SLC9A9: variants seen among roughly 807,000 people sequenced by gnomAD.
The protein encoded by SLC9A9 is solute carrier family 9 member A9.
Under a neutral mutation model 77.8 loss-of-function variants are expected in SLC9A9, and 62 were observed. That is an observed-to-expected ratio of 0.80 (90% confidence interval 0.65 to 0.98). SLC9A9 has a LOEUF of 0.98. Ranked by LOEUF, SLC9A9 falls within the 50% of genes least tolerant of loss-of-function variation. The pLI is 0.00. For missense variants in SLC9A9, 775 were observed against 774.9 expected, an observed-to-expected ratio of 1.00 and a Z score of 0.00; for synonymous variants, 320 against 283.5, an observed-to-expected ratio of 1.13 and a Z score of -1.29.
At chr3:143,693,111 G>T in intron 5 of SLC9A9, 81 bp downstream of exon 5, 2 of 999,664 alleles carry the variant, frequency 2.0e-6, no homozygotes, top group Non-Finnish European at 3.1e-6. Context: ...TTATGTAGAC[G>T]CAGGTGATGG....
chr3:143,583,439 T>G (rs2037489410), intron 6 of SLC9A9, among the ~76,000 whole-genome samples: 1 of 152,208 alleles, frequency 6.6e-6, no homozygotes, highest in African/African-American at 2.4e-5. Context: ...ACTTCAGTGT[T>G]TCTCTACAAC....
chr3:143,639,799 G>A (rs529149135), intron 6 of SLC9A9, among the ~76,000 whole-genome samples: 1 of 152,154 alleles, frequency 6.6e-6, no homozygotes, highest in East Asian at 1.9e-4. Flanking sequence ...GATATTATTT[G>A]CTTTCATATG....
intron 15 of SLC9A9, among the ~76,000 whole-genome samples, chr3:143,267,644 C>A (rs181582238): frequency 2.6e-5 from 4 of 152,142 alleles, no homozygotes; most frequent in Non-Finnish European, 5.9e-5. Context: ...TCAGCCACCA[C>A]GCCTGGCCTC....
chr3:143,271,003 C>T (rs562599007), intron 14 of SLC9A9, among the ~76,000 whole-genome samples: 14 of 152,320 alleles, frequency 9.2e-5, no homozygotes, highest in South Asian at 4.1e-4. Context: ...AGTGATATCT[C>T]GCACTGTCCA....
intron 4 of SLC9A9, among the ~76,000 whole-genome samples, chr3:143,748,795 C>T (rs1332014128): frequency 6.6e-6 from 1 of 150,386 alleles, no homozygotes; most frequent in Admixed American, 6.7e-5. Context: ...GCTCCGCTTC[C>T]TGGGTTCACG....
chr3:143,575,954 A>G (rs1405017), intron 7 of SLC9A9, among the ~76,000 whole-genome samples: 18,097 of 151,604 alleles, frequency 0.12, 1,187 homozygotes, highest in East Asian at 0.16. Flanking sequence ...CAATGTCACC[A>G]CTGTTACCGA....
chr3:143,818,349 C>T (rs1278089852), intron 2 of SLC9A9, among the ~76,000 whole-genome samples: 1 of 152,096 alleles, frequency 6.6e-6, no homozygotes, highest in African/African-American at 2.4e-5. Flanking sequence ...CTCTGTTGCC[C>T]AGGCTGGAGT....
Position 143,431,120 on chromosome 3 carries a change from TACTCA to T in SLC9A9, c.1469+35912_1469+35916del, listed in dbSNP as rs529342630. Among the ~76,000 whole-genome samples, 68 of 135,478 alleles carry T rather than the reference TACTCA, an allele frequency of 5.0e-4. 1 individual carries two copies. The East Asian group carries it at 0.018, about 35-fold the overall frequency. 88.9% of individuals were successfully genotyped at this position (135,478 alleles called of 152,430 possible). ...TTATAAAAGGCATCAGTCCTGGTGG[TACTCA>T]AGGCCTTTCACAGTCTGGTGCCCCT... On this transcript the variant is annotated intron_variant, in intron 12 of 15. Coordinates refer to ENST00000316549, the MANE Select transcript of SLC9A9 (RefSeq NM_173653.4).
At position 143,267,515 on chromosome 3, in the gene SLC9A9, G is replaced by A. The variant is rs572207124; in HGVS notation, c.1711-586C>T. On this transcript the variant is annotated intron_variant, in intron 15 of 15. Coordinates refer to ENST00000316549, the MANE Select transcript of SLC9A9 (RefSeq NM_173653.4). ...CAGGCATGTGCCACCATCACATCTG[G>A]CTAATTTTTGTATTTTTAGTAGAGA... Among the ~76,000 whole-genome samples the A allele has an allele frequency of 3.3e-5, 5 of 152,022 alleles. No individual in the cohort carries two copies. The South Asian group carries it at 1.0e-3, about 32-fold the overall frequency.
At chr3:143,633,603 A>G (rs953222001) in intron 6 of SLC9A9, among the ~76,000 whole-genome samples, 12 of 152,106 alleles carry the variant, frequency 7.9e-5, no homozygotes, top group Admixed American at 1.3e-4. Context: ...ATCTTTGTTG[A>G]TGTAAGCAAA....
chr3:143,546,388 G>A (rs931762776), intron 9 of SLC9A9, among the ~76,000 whole-genome samples: 15 of 152,154 alleles, frequency 9.9e-5, no homozygotes, highest in Non-Finnish European at 1.6e-4. Flanking sequence ...CAAAGAATCT[G>A]GCTTTTCAAA....
chr3:143,645,773 C>T (rs2108742728), intron 6 of SLC9A9, among the ~76,000 whole-genome samples: 1 of 152,034 alleles, frequency 6.6e-6, no homozygotes. Context: ...TGCTCCATTT[C>T]TTCATCTTTT....
intron 9 of SLC9A9, among the ~76,000 whole-genome samples, chr3:143,513,929 C>T (rs1345579386): frequency 6.6e-6 from 1 of 152,162 alleles, no homozygotes; most frequent in African/African-American, 2.4e-5. Context: ...TGGTGTGCTG[C>T]ACCCATTAAC....
chr3:143,394,871 C>T (rs1355529828), intron 12 of SLC9A9, among the ~76,000 whole-genome samples: 4 of 152,106 alleles, frequency 2.6e-5, no homozygotes, highest in Admixed American at 2.0e-4. Flanking sequence ...GAATAAAATA[C>T]CTAGGAATCC....
chr3:143,647,999 T>C (rs529126097), intron 6 of SLC9A9, among the ~76,000 whole-genome samples: 1 of 152,320 alleles, frequency 6.6e-6, no homozygotes, highest in South Asian at 2.1e-4. Flanking sequence ...TTATCTTTAG[T>C]AATTTTAATA....
intron 14 of SLC9A9, among the ~76,000 whole-genome samples, chr3:143,352,800 TG>T (rs2032494762): frequency 6.6e-6 from 1 of 152,164 alleles, no homozygotes; most frequent in Non-Finnish European, 1.5e-5. Flanking sequence ...AGAAAACTGG[TG>T]GGTATTTTGC....
intron 14 of SLC9A9, among the ~76,000 whole-genome samples, chr3:143,347,222 T>C (rs1366161663): frequency 6.6e-6 from 1 of 152,126 alleles, no homozygotes; most frequent in Non-Finnish European, 1.5e-5. Flanking sequence ...AATGTAGCCA[T>C]GTATTGGCCC....
chr3:143,686,592 G>A (rs1933273572), intron 5 of SLC9A9, among the ~76,000 whole-genome samples: 2 of 152,096 alleles, frequency 1.3e-5, no homozygotes, highest in South Asian at 4.1e-4. Flanking sequence ...CAAGGCTCAT[G>A]GGTATGCTTG....
At chr3:143,655,876 C>T (rs1274065130) in intron 5 of SLC9A9, among the ~76,000 whole-genome samples, 1 of 152,036 alleles carries the variant, frequency 6.6e-6, no homozygotes, top group Non-Finnish European at 1.5e-5. Flanking sequence ...CTCTGAGAAG[C>T]TTTTGATAAA....
Sources: gnomAD v4.1 joint callset for allele counts (sites outside exome capture counted in the v4.1 genomes callset) on GRCh38, gnomAD v4.1.1 for gene constraint, MANE v1.5 for transcripts, NCBI Gene and HGNC (gene_info 2026-07-23, HGNC 2026-07-21) for gene names.